ANO4: variants seen among roughly 807,000 people sequenced by gnomAD.
ANO4 encodes anoctamin-4.
ANO4 carries 69 observed loss-of-function variants against 141.9 expected under a neutral mutation model. That is an observed-to-expected ratio of 0.49 (90% CI 0.40 to 0.59). ANO4 has a LOEUF of 0.59. Among genes scored for constraint, ANO4 ranks in the 20% least tolerant of loss-of-function variants. The pLI is 0.00. For synonymous variants in ANO4, 350 were observed against 394.3 expected, an observed-to-expected ratio of 0.89 and a Z score of 1.33; for missense variants, 894 against 1,162.2, an observed-to-expected ratio of 0.77 and a Z score of 3.36.
chr12:100,967,942 G>T (rs1445747537), intron 5 of ANO4, among the ~76,000 whole-genome samples: 2 of 152,152 alleles, frequency 1.3e-5, no homozygotes, highest in African/African-American at 4.8e-5. Flanking sequence ...GCTCTGTCTG[G>T]GGTAAACATT....
intron 3 of ANO4, among the ~76,000 whole-genome samples, chr12:100,769,585 C>T (rs1245020285): frequency 6.6e-6 from 1 of 152,050 alleles, no homozygotes; most frequent in Non-Finnish European, 1.5e-5. Flanking sequence ...AAAGGATGTA[C>T]AAGGTAAAGG....
chr12:100,987,475 C>T lies in ANO4; in HGVS notation c.603-64C>T, dbSNP rs2044758083. 8 of 1,581,440 alleles carry T rather than the reference C, an allele frequency of 5.1e-6. No homozygotes were observed. In the Admixed American group the frequency reaches 1.0e-4, roughly 20 times the overall value. On this transcript the variant is annotated intron_variant, in intron 7 of 27. Coordinates refer to ENST00000392977, the MANE Select transcript of ANO4 (RefSeq NM_001286615.2). ...TAGTTGTGGCTCTGCGGAGACCTTC[C>T]TCCTGTGTTTCAGGGCATTGCTGAC...
intron 16 of ANO4, among the ~76,000 whole-genome samples, chr12:101,084,433 C>T (rs1231320131): frequency 2.0e-5 from 3 of 152,160 alleles, no homozygotes; most frequent in African/African-American, 7.2e-5. Flanking sequence ...AACTTTAACA[C>T]TGTTAATTAC....
chr12:100,918,183 C>A (rs1022588968), intron 2 of ANO4, among the ~76,000 whole-genome samples: 5 of 152,086 alleles, frequency 3.3e-5, no homozygotes, highest in African/African-American at 1.2e-4. Context: ...ACAAATTAGC[C>A]AGGCATGGTG....
chr12:100,880,437 C>G (rs747896055), intron 1 of ANO4, among the ~76,000 whole-genome samples: 15 of 152,128 alleles, frequency 9.9e-5, no homozygotes, highest in Non-Finnish European at 1.5e-4. Flanking sequence ...GTAGAGGTGC[C>G]TCATTCAAGG....
chr12:100,842,784 C>G (rs977916615), intron 1 of ANO4, among the ~76,000 whole-genome samples: 1 of 152,078 alleles, frequency 6.6e-6, no homozygotes, highest in Admixed American at 6.6e-5. Context: ...TCCCTTTAGC[C>G]CTTTTATAAG....
rs745648360 is a variant in ANO4 at position 101,116,793 on chromosome 12, C to CT, written c.2566dup (p.Cys856LeufsTer8). 3 of 1,614,120 alleles carry CT rather than the reference C, an allele frequency of 1.9e-6. No homozygotes were observed. Among genetic ancestry groups the CT allele is most frequent in the Non-Finnish European group, 2.5e-6 (3 of 1,180,010 alleles). On this transcript the variant is annotated frameshift_variant, in exon 25 of 28. Coordinates refer to ENST00000392977, the MANE Select transcript of ANO4 (RefSeq NM_001286615.2). LOFTEE classifies it high-confidence loss of function. The stretch of plus-strand genomic sequence containing the variant: ...AGTTCTCGGGGACTCCTCTTAAGTA[C>CT]TGCAGGTGAGTGTGGCACCCAGCGT...
Position 101,042,497 on chromosome 12 carries a change from TTTG to T in ANO4, c.1154+32_1154+34del, listed in dbSNP as rs2047447619. ...CGGGGAGCTCTTGGATGAGTTTGCC[TTTG>T]TTTAGTACTTAGAGGTGGCTGTTTG... On this transcript the variant is annotated intron_variant, in intron 12 of 27. Transcript: ENST00000392977. 4 of 1,613,494 alleles carry T rather than the reference TTTG, an allele frequency of 2.5e-6. No individual in the cohort carries two copies. The East Asian group carries it at 6.7e-5, about 27-fold the overall frequency.
intron 2 of ANO4, among the ~76,000 whole-genome samples, chr12:100,737,894 G>A (rs536195845): frequency 2.1e-4 from 32 of 152,066 alleles, no homozygotes; most frequent in Non-Finnish European, 3.4e-4. Flanking sequence ...TAGGAAAATA[G>A]CATATGTGTG....
At chr12:101,112,574 A>G (rs549163482) in intron 24 of ANO4, among the ~76,000 whole-genome samples, 2 of 152,298 alleles carry the variant, frequency 1.3e-5, no homozygotes, top group African/African-American at 2.4e-5. Flanking sequence ...ATCACCCTAC[A>G]TGGGCTGCTG....
intron 24 of ANO4, among the ~76,000 whole-genome samples, chr12:101,112,925 GC>G (rs1198087277): frequency 6.6e-6 from 1 of 152,172 alleles, no homozygotes; most frequent in Non-Finnish European, 1.5e-5. Flanking sequence ...ATGTTATTTT[GC>G]CCAGGCATTT....
intron 1 of ANO4, among the ~76,000 whole-genome samples, chr12:100,864,258 T>C (rs918253621): frequency 6.6e-5 from 10 of 152,142 alleles, no homozygotes; most frequent in Non-Finnish European, 1.2e-4. Context: ...CAGGCTTGGG[T>C]CACTTGCCCC....
chr12:100,740,012 G>C, exon 3 of ANO4: 1 of 702,530 alleles, frequency 1.4e-6, no homozygotes, highest in Non-Finnish European at 2.6e-6. Flanking sequence ...GACTGACCAG[G>C]CCACACCTTT....
At position 100,939,380 on chromosome 12, in the gene ANO4, G is replaced by T; in HGVS notation, c.226G>T (p.Asp76Tyr). 1 of 1,613,724 alleles carries T rather than the reference G, an allele frequency of 6.2e-7. No homozygotes were observed. Among genetic ancestry groups the T allele is most frequent in the Non-Finnish European group, 8.5e-7 (1 of 1,179,712 alleles). The change falls in exon 4 of 28, where the codon GAT (aspartate) becomes TAT (tyrosine). Residue 76 changes from aspartate to tyrosine, a missense_variant. This residue lies in a region of ANO4 where 257 missense variants were observed against 253.0 expected (regional missense o/e 1.02). Coordinates refer to ENST00000392977, the MANE Select transcript of ANO4 (RefSeq NM_001286615.2). ...EAVSSPCKDD[D>Y]SLLHPGNLTS... ...TGTCAGCAGTCCTTGCAAAGATGAC[G>T]ATTCTCTTCTTCACCCTGGAAACCT... is the stretch of plus-strand genomic sequence containing the variant.
intron 1 of ANO4, among the ~76,000 whole-genome samples, chr12:100,891,143 C>A (rs1454351992): frequency 6.6e-6 from 1 of 152,110 alleles, no homozygotes; most frequent in African/African-American, 2.4e-5. Context: ...CTTTTCATGG[C>A]TTGACAGTTT....
At chr12:100,919,861 T>A (rs1273033692) in intron 2 of ANO4, among the ~76,000 whole-genome samples, 2 of 152,006 alleles carry the variant, frequency 1.3e-5, no homozygotes, top group African/African-American at 4.8e-5. Flanking sequence ...CATTAAGTAT[T>A]CTTTGAAGAC....
intron 1 of ANO4, among the ~76,000 whole-genome samples, chr12:100,892,314 A>T (rs1183560673): frequency 2.6e-5 from 4 of 151,948 alleles, no homozygotes; most frequent in Admixed American, 2.6e-4. Flanking sequence ...TTTATGAATT[A>T]AAAAAAATCT....
chr12:101,006,181 A>G (rs2045863995), intron 8 of ANO4, among the ~76,000 whole-genome samples: 3 of 152,200 alleles, frequency 2.0e-5, no homozygotes, highest in African/African-American at 7.2e-5. Flanking sequence ...CTTATGCAAC[A>G]TGCTCCCTCA....
chr12:100,978,175 C>G (rs1297988936), intron 7 of ANO4, among the ~76,000 whole-genome samples: 14 of 152,196 alleles, frequency 9.2e-5, no homozygotes, highest in Admixed American at 9.2e-4. Context: ...TCATTCAATT[C>G]TATATTTCCA....
Sources: gnomAD v4.1 joint callset for allele counts (sites outside exome capture counted in the v4.1 genomes callset) on GRCh38, gnomAD v4.1.1 for gene constraint, gnomAD v4.1.1 regional missense constraint, MANE v1.5 for transcripts, NCBI Gene and HGNC (gene_info 2026-07-23, HGNC 2026-07-21) for gene names.